Variants in SLC6A11 observed in about 807,000 individuals in gnomAD.
The protein encoded by SLC6A11 is sodium- and chloride-dependent GABA transporter 3.
In SLC6A11, 25 loss-of-function variants were observed where a neutral mutation model predicts 74.8. The ratio of observed to expected loss-of-function variants is 0.33; its 90% CI spans 0.24 to 0.47. The LOEUF is 0.47. Among genes scored for constraint, SLC6A11 ranks in the 20% least tolerant of loss-of-function variants. SLC6A11 has a pLI of 1.00. For synonymous variants in SLC6A11, 330 were observed against 330.2 expected (o/e 1.00, Z 0.01); for missense variants, 574 against 837.0 (o/e 0.69, Z 3.88).
intron 6 of SLC6A11, among the ~76,000 whole-genome samples, chr3:10,907,056 A>C (rs1198702593): frequency 6.6e-6 from 1 of 152,238 alleles, no homozygotes; most frequent in Non-Finnish European, 1.5e-5. Flanking sequence ...ATATTGTCCC[A>C]AGGCATTGCA....
At chr3:10,861,846 A>G (rs1010304333) in intron 5 of SLC6A11, among the ~76,000 whole-genome samples, 2 of 152,220 alleles carry the variant, frequency 1.3e-5, no homozygotes, top group African/African-American at 4.8e-5. Context: ...TGTTGCAACC[A>G]TCATGGGTTA....
chr3:10,889,376 T>C (rs113938372), intron 6 of SLC6A11, among the ~76,000 whole-genome samples: 221 of 152,268 alleles, frequency 1.5e-3, no homozygotes, highest in African/African-American at 5.1e-3. Context: ...CTCCAGTGAA[T>C]GTGTAATGTC....
At chr3:10,868,441 G>C (rs1575682188) in intron 5 of SLC6A11, among the ~76,000 whole-genome samples, 1 of 152,214 alleles carries the variant, frequency 6.6e-6, no homozygotes, top group East Asian at 1.9e-4. Flanking sequence ...ATGTAAATGA[G>C]CAATTAGCGT....
chr3:10,881,786 C>A (rs994577065), intron 6 of SLC6A11, among the ~76,000 whole-genome samples: 3 of 152,196 alleles, frequency 2.0e-5, no homozygotes, highest in African/African-American at 7.2e-5. Context: ...CACATCCCCA[C>A]CAGAGCGATG....
chr3:10,888,376 C>T (rs897525462), intron 6 of SLC6A11, among the ~76,000 whole-genome samples: 2 of 152,150 alleles, frequency 1.3e-5, no homozygotes, highest in African/African-American at 2.4e-5. Context: ...CCTTGAGTTT[C>T]GAGGAGTATG....
At chr3:10,934,243 C>T (rs1248196572) in intron 12 of SLC6A11, 77 bp downstream of exon 12, 3 of 1,011,938 alleles carry the variant, frequency 3.0e-6, no homozygotes, top group Admixed American at 1.8e-5. Context: ...CACTCCGTAG[C>T]CCCCACCCTG....
At chr3:10,934,844 G>A (rs965714375) in intron 12 of SLC6A11, among the ~76,000 whole-genome samples, 185 bp from the exon 13 acceptor site, 1 of 152,234 alleles carries the variant, frequency 6.6e-6, no homozygotes, top group Non-Finnish European at 1.5e-5. Flanking sequence ...GTGGAATGGG[G>A]CTCTAGCCTG....
At chr3:10,903,566 C>T (rs1695266506) in intron 6 of SLC6A11, among the ~76,000 whole-genome samples, 1 of 152,204 alleles carries the variant, frequency 6.6e-6, no homozygotes, top group Non-Finnish European at 1.5e-5. Flanking sequence ...AGCCTCCATT[C>T]CTGGGACTTG....
At chr3:10,896,040 G>A (rs1695167424) in intron 6 of SLC6A11, among the ~76,000 whole-genome samples, 1 of 152,252 alleles carries the variant, frequency 6.6e-6, no homozygotes, top group Non-Finnish European at 1.5e-5. Flanking sequence ...AGGCCCCAAG[G>A]CCCGGTTCCT....
intron 9 of SLC6A11, 44 bp from the exon 10 acceptor site, chr3:10,929,158 C>A (rs982770402): frequency 1.9e-6 from 3 of 1,603,616 alleles, no homozygotes; most frequent in Admixed American, 3.4e-5. Flanking sequence ...CCACCAGGAG[C>A]AGCCTTGTCC....
At chr3:10,885,642 A>C (rs75128436) in intron 6 of SLC6A11, among the ~76,000 whole-genome samples, 5,413 of 150,344 alleles carry the variant, frequency 0.036, 342 homozygotes, top group African/African-American at 0.13. Context: ...TGTAGTGCTG[A>C]GGTTGAGATA....
intron 12 of SLC6A11, 123 bp from the exon 13 acceptor site, chr3:10,934,906 T>C (rs1336252695): frequency 4.5e-5 from 38 of 837,066 alleles, no homozygotes; most frequent in Non-Finnish European, 6.4e-5. Context: ...TTCATGGCTG[T>C]GAAACAGGGC....
chr3:10,923,661 A>G lies in SLC6A11; in HGVS notation c.1121-2343A>G, dbSNP rs534843066. 5.3e-5 allele frequency among the ~76,000 whole-genome samples: 8 copies of G among 152,308 alleles called. No homozygotes were observed. The South Asian group carries it at 1.0e-3, about 20-fold the overall frequency. On this transcript the variant is annotated intron_variant, in intron 8 of 13. Transcript: ENST00000254488. ...ATCATGGTTGCAGGCAAGACCCACCAATGGATACTAAAATCAGTAGGTAAA... is the reference window on the plus strand; with the variant it reads ...ATCATGGTTGCAGGCAAGACCCACCGATGGATACTAAAATCAGTAGGTAAA...
At chr3:10,818,295 T>G (rs1441305176) in intron 1 of SLC6A11, among the ~76,000 whole-genome samples, 1 of 152,200 alleles carries the variant, frequency 6.6e-6, no homozygotes. Context: ...TAACAGCATG[T>G]TAGGGGACCT....
chr3:10,919,181 CA>C, intron 8 of SLC6A11, among the ~76,000 whole-genome samples: 1 of 152,198 alleles, frequency 6.6e-6, no homozygotes. Context: ...GCAAACCCAC[CA>C]AGAGCAGGGT....
intron 4 of SLC6A11, among the ~76,000 whole-genome samples, chr3:10,837,151 T>C (rs1275242756): frequency 6.6e-6 from 1 of 152,090 alleles, no homozygotes; most frequent in Non-Finnish European, 1.5e-5. Context: ...GAGCTGGTGC[T>C]TGAAGGATGG....
At chr3:10,935,255 C>T in intron 13 of SLC6A11, 56 bp downstream of exon 13, 2 of 1,529,148 alleles carry the variant, frequency 1.3e-6, no homozygotes, top group Non-Finnish European at 1.8e-6. Flanking sequence ...CCTTGGGTCC[C>T]AGTTTCCTCA....
chr3:10,934,876 G>A (rs1177561147), intron 12 of SLC6A11, among the ~76,000 whole-genome samples, 153 bp from the exon 13 acceptor site: 1 of 152,196 alleles, frequency 6.6e-6, no homozygotes, highest in Non-Finnish European at 1.5e-5. Context: ...GCTCACTGTG[G>A]TCCTGGCAGG....
At chr3:10,865,282 A>G (rs1575680955) in intron 5 of SLC6A11, among the ~76,000 whole-genome samples, 1 of 152,266 alleles carries the variant, frequency 6.6e-6, no homozygotes, top group East Asian at 1.9e-4. Flanking sequence ...TGGACCGCCA[A>G]GCCCATGCAT....
Sources: allele counts gnomAD v4.1 joint callset (sites outside exome capture counted in the v4.1 genomes callset), GRCh38; gene constraint gnomAD v4.1.1; transcripts MANE v1.5; gene names NCBI Gene and HGNC (gene_info 2026-07-23, HGNC 2026-07-21).